HCN1: variants seen among roughly 807,000 people sequenced by gnomAD.
HCN1 encodes potassium/sodium hyperpolarization-activated cyclic nucleotide-gated channel 1.
Under a neutral mutation model 78.9 loss-of-function variants are expected in HCN1, and 13 were observed. That is an observed-to-expected ratio of 0.16 (90% CI 0.11 to 0.26). HCN1 has a LOEUF of 0.26. HCN1 is among the 10% of genes least tolerant of loss of function. The probability of loss-of-function intolerance (pLI) is 1.00; values close to 1 mark genes in which losing one functional copy is unlikely to be tolerated. For synonymous variants in HCN1, 552 were observed against 455.5 expected (o/e 1.21, Z -2.70); for missense variants, 810 against 1,154.3 (o/e 0.70, Z 4.32).
chr5:45,666,920 G>A (rs1216353135), intron 1 of HCN1, among the ~76,000 whole-genome samples: 2 of 151,890 alleles, frequency 1.3e-5, no homozygotes, highest in Non-Finnish European at 2.9e-5. Flanking sequence ...GAAAAAATCA[G>A]GGGGGTGGGA....
intron 5 of HCN1, among the ~76,000 whole-genome samples, chr5:45,308,741 C>T (rs548561619): frequency 6.6e-6 from 1 of 152,014 alleles, no homozygotes; most frequent in Admixed American, 6.6e-5. Context: ...GTTCTTGTAC[C>T]AGTACCATGC....
At chr5:45,606,304 G>T (rs1393083209) in intron 2 of HCN1, among the ~76,000 whole-genome samples, 2 of 151,922 alleles carry the variant, frequency 1.3e-5, no homozygotes, top group African/African-American at 4.8e-5. Context: ...GATTGTGTGT[G>T]GGGTAGGGGT....
intron 2 of HCN1, among the ~76,000 whole-genome samples, chr5:45,590,066 A>G (rs1282550144): frequency 6.6e-6 from 1 of 152,104 alleles, no homozygotes; most frequent in African/African-American, 2.4e-5. Context: ...TAGATGCAAA[A>G]ATTTATTGTA....
chr5:45,310,638 C>T (rs1281522254), intron 5 of HCN1, among the ~76,000 whole-genome samples: 2 of 152,094 alleles, frequency 1.3e-5, no homozygotes, highest in African/African-American at 4.8e-5. Context: ...ACAGAAATAC[C>T]ATTCAACCCA....
At chr5:45,372,676 A>AT (rs1267269844) in intron 4 of HCN1, among the ~76,000 whole-genome samples, 4 of 142,084 alleles carry the variant, frequency 2.8e-5, no homozygotes, top group East Asian at 2.1e-4. Context: ...ATAAAAATAT[A>AT]AAATATTTAT....
chr5:45,259,036 T>A lies in HCN1; in HGVS notation c.*2885A>T, dbSNP rs944586586. ...AAAAGAAAATAAGCTCATATTTTACTATACGAAAAAGGTAAACAAAGAAGT... is the reference window on the plus strand; with the variant it reads ...AAAAGAAAATAAGCTCATATTTTACAATACGAAAAAGGTAAACAAAGAAGT... On this transcript the variant is annotated 3_prime_UTR_variant, in exon 8 of 8. Coordinates refer to ENST00000303230, the MANE Select transcript of HCN1 (RefSeq NM_021072.4). 2.6e-5 allele frequency: 4 copies of A among 151,958 alleles called. No homozygotes were observed. Among genetic ancestry groups the A allele is most frequent in the Non-Finnish European group, 5.9e-5 (4 of 67,914 alleles). The allele number at this position is 151,958 out of a possible 1,614,324, so 9.4% of individuals were successfully genotyped here.
chr5:45,295,668 G>A (rs1745475556), intron 6 of HCN1, among the ~76,000 whole-genome samples: 1 of 151,926 alleles, frequency 6.6e-6, no homozygotes, highest in African/African-American at 2.4e-5. Context: ...TTACTATTCT[G>A]CCCTCCATTT....
At position 45,262,459 on chromosome 5, in the gene HCN1, A is replaced by G; in HGVS notation, c.2135T>C (p.Leu712Pro). Residue 712 changes from leucine to proline, a missense_variant, in exon 8 of 8, where the codon CTG becomes CCG. By Grantham distance (98) the Leu-to-Pro change is moderately conservative (BLOSUM62 -3). This residue lies in a region of HCN1 where 398 missense variants were observed against 381.3 expected (regional missense o/e 1.04). Coordinates refer to ENST00000303230, the MANE Select transcript of HCN1 (RefSeq NM_021072.4). ...GGCATAGTGGAAAGTTCGAGCGGCC[A>G]GAGGGCTCTGTACAGGAGGGCTGCA... ...AVCSPPVQSP[L>P]AARTFHYASP... The G allele has an allele frequency of 1.2e-6, 2 of 1,612,686 alleles. No homozygotes were observed. Among genetic ancestry groups the G allele is most frequent in the African/African-American group, 2.7e-5 (2 of 74,928 alleles).
At chr5:45,401,982 C>A (rs1310037013) in intron 3 of HCN1, among the ~76,000 whole-genome samples, 3 of 151,990 alleles carry the variant, frequency 2.0e-5, no homozygotes, top group Non-Finnish European at 2.9e-5. Flanking sequence ...TTGAGTAAGA[C>A]CATGGGTCAT....
chr5:45,351,912 C>CT (rs1746912135), intron 5 of HCN1, among the ~76,000 whole-genome samples: 2 of 152,146 alleles, frequency 1.3e-5, no homozygotes, highest in Admixed American at 6.5e-5. Context: ...AATAGGAACA[C>CT]TTTTACACTG....
intron 5 of HCN1, among the ~76,000 whole-genome samples, chr5:45,313,194 C>G (rs1220352064): frequency 5.9e-5 from 9 of 152,156 alleles, no homozygotes; most frequent in Non-Finnish European, 1.3e-4. Flanking sequence ...CAGGCAGCAA[C>G]ATTTGCTGTT....
At chr5:45,399,044 C>G (rs1579868617) in intron 3 of HCN1, among the ~76,000 whole-genome samples, 1 of 152,184 alleles carries the variant, frequency 6.6e-6, no homozygotes, top group African/African-American at 2.4e-5. Flanking sequence ...GATTTAATAT[C>G]TGTTTAGATA....
At chr5:45,272,698 C>A (rs1744982642) in intron 6 of HCN1, among the ~76,000 whole-genome samples, 1 of 151,946 alleles carries the variant, frequency 6.6e-6, no homozygotes, top group Non-Finnish European at 1.5e-5. Context: ...CATAACATAT[C>A]TCTGAGGTTT....
chr5:45,281,369 C>A lies in HCN1; in HGVS notation c.1619-14116G>T, dbSNP rs115834240. On this transcript the variant is annotated intron_variant, in intron 6 of 7. Transcript: ENST00000303230. The stretch of plus-strand genomic sequence containing the variant: ...TAGTATGTGCCTATTTCCTCTTCAC[C>A]TTTCACTATGTTGTAAGTTTTCTGA... Among the ~76,000 whole-genome samples, 389 of 151,958 alleles carry A rather than the reference C, an allele frequency of 2.6e-3. 2 individuals carry two copies. Among genetic ancestry groups the A allele is most frequent in the African/African-American group, 8.9e-3 (369 of 41,436 alleles).
intron 6 of HCN1, among the ~76,000 whole-genome samples, chr5:45,294,264 T>C (rs1264953413): frequency 1.3e-5 from 2 of 152,152 alleles, no homozygotes; most frequent in East Asian, 3.9e-4. Context: ...AATTTAAAAA[T>C]GTCAAATAAT....
chr5:45,495,603 A>G (rs922339717), intron 2 of HCN1, among the ~76,000 whole-genome samples: 274 of 152,134 alleles, frequency 1.8e-3, no homozygotes, highest in African/African-American at 6.3e-3. Flanking sequence ...TCCTTCTCCT[A>G]ACTGATTGCC....
intron 2 of HCN1, among the ~76,000 whole-genome samples, chr5:45,518,630 T>C (rs1392900702): frequency 4.6e-5 from 7 of 152,010 alleles, no homozygotes; most frequent in Non-Finnish European, 1.0e-4. Context: ...GGACAATCCC[T>C]TCAGGGGCTG....
At chr5:45,429,749 G>A (rs1014474280) in intron 3 of HCN1, among the ~76,000 whole-genome samples, 5 of 152,158 alleles carry the variant, frequency 3.3e-5, no homozygotes, top group Admixed American at 1.3e-4. Context: ...ATAGGTCATC[G>A]AAGGAGGTGA....
chr5:45,516,880 C>G (rs1471421408), intron 2 of HCN1, among the ~76,000 whole-genome samples: 2 of 113,810 alleles, frequency 1.8e-5, no homozygotes, highest in Non-Finnish European at 3.5e-5. Flanking sequence ...ATATCATGTC[C>G]CATATATTAT....
Sources: allele counts gnomAD v4.1 joint callset (sites outside exome capture counted in the v4.1 genomes callset), GRCh38; gene constraint gnomAD v4.1.1; regional missense constraint gnomAD v4.1.1; transcripts MANE v1.5; gene names NCBI Gene and HGNC (gene_info 2026-07-23, HGNC 2026-07-21).